Variants in RBFOX1 observed in about 807,000 individuals in gnomAD.
The protein encoded by RBFOX1 is RNA binding protein fox-1 homolog 1.
A neutral mutation model predicts 57.7 loss-of-function variants in RBFOX1; 8 were observed. That is an observed-to-expected ratio of 0.14 (90% CI 0.08 to 0.25). RBFOX1 has a LOEUF of 0.25. Ranked by LOEUF, RBFOX1 falls within the 10% of genes least tolerant of loss-of-function variation. The probability of loss-of-function intolerance (pLI) is 1.00; values close to 1 mark genes in which losing one functional copy is unlikely to be tolerated. For missense variants in RBFOX1, 611 were observed against 548.5 expected (o/e 1.11, Z -1.14); for synonymous variants, 326 against 222.4 (o/e 1.47, Z -4.15).
intron 1 of RBFOX1, among the ~76,000 whole-genome samples, chr16:6,050,156 C>T (rs1283929832): frequency 6.6e-6 from 1 of 152,060 alleles, no homozygotes; most frequent in African/African-American, 2.4e-5. Flanking sequence ...GATGGGGTTT[C>T]ACCATAATGG....
chr16:6,747,476 TTATC>T (rs1163195277), intron 3 of RBFOX1, among the ~76,000 whole-genome samples: 2 of 137,034 alleles, frequency 1.5e-5, no homozygotes, highest in East Asian at 4.0e-4. Flanking sequence ...GTCTGTCTGT[TTATC>T]TATCTGTCTA....
At chr16:6,721,827 C>G (rs998087498) in intron 3 of RBFOX1, 1 of 152,948 alleles carries the variant, frequency 6.5e-6, no homozygotes, top group Non-Finnish European at 1.5e-5. Context: ...TCAGGGATCA[C>G]GCTCACACGC....
intron 3 of RBFOX1, among the ~76,000 whole-genome samples, chr16:6,999,059 G>T (rs968327840): frequency 1.3e-5 from 2 of 151,136 alleles, no homozygotes. Context: ...AGTAGAGACA[G>T]GGTTTCACCA....
chr16:5,889,123 T>C (rs2057978397), intron 4 of RBFOX1, among the ~76,000 whole-genome samples: 1 of 152,202 alleles, frequency 6.6e-6, no homozygotes, highest in African/African-American at 2.4e-5. Context: ...GTGAGGTCCA[T>C]GTGTAGGATG....
chr16:7,284,516 A>G (rs2095610632), intron 4 of RBFOX1, among the ~76,000 whole-genome samples: 1 of 152,094 alleles, frequency 6.6e-6, no homozygotes. Context: ...CTTCTTGTAG[A>G]GATGAGGTCC....
intron 2 of RBFOX1, among the ~76,000 whole-genome samples, chr16:6,433,850 T>C (rs1361850267): frequency 6.6e-5 from 5 of 76,088 alleles, no homozygotes; most frequent in East Asian, 4.1e-4. Context: ...ATTTTTCTTT[T>C]TTTTTTTTTT....
intron 1 of RBFOX1, among the ~76,000 whole-genome samples, chr16:6,057,616 C>T (rs1271219241): frequency 6.6e-6 from 1 of 152,050 alleles, no homozygotes; most frequent in African/African-American, 2.4e-5. Context: ...AGAATGCCGC[C>T]AGGCGTTTAA....
At chr16:5,603,185 T>C (rs954604451), downstream of RBFOX1, among the ~76,000 whole-genome samples, 29 of 152,220 alleles carry the variant, frequency 1.9e-4, no homozygotes, top group African/African-American at 6.3e-4. Flanking sequence ...GCAGAAAGTA[T>C]ATTTTGCCAG....
intron 3 of RBFOX1, among the ~76,000 whole-genome samples, chr16:6,850,223 C>T (rs1392651312): frequency 6.6e-6 from 1 of 152,088 alleles, no homozygotes; most frequent in African/African-American, 2.4e-5. Flanking sequence ...GAAATGATTC[C>T]TCTTTTGGGG....
intron 2 of RBFOX1, among the ~76,000 whole-genome samples, chr16:6,490,120 G>T (rs1013870728): frequency 6.6e-6 from 1 of 152,172 alleles, no homozygotes; most frequent in Non-Finnish European, 1.5e-5. Flanking sequence ...TAGGCCACGG[G>T]AATGACCATG....
At chr16:7,207,346 T>C (rs923651658) in intron 4 of RBFOX1, among the ~76,000 whole-genome samples, 5 of 152,194 alleles carry the variant, frequency 3.3e-5, no homozygotes, top group African/African-American at 9.6e-5. Context: ...ATTTTTCTTA[T>C]TTCTCCACTG....
chr16:5,326,743 G>C (rs1353847202), intron 1 of RBFOX1, among the ~76,000 whole-genome samples: 1 of 152,226 alleles, frequency 6.6e-6, no homozygotes, highest in Non-Finnish European at 1.5e-5. Context: ...CAGCCTTGAT[G>C]ATGATGATGT....
chr16:6,495,275 T>A (rs1016222369), intron 2 of RBFOX1, among the ~76,000 whole-genome samples: 1 of 152,192 alleles, frequency 6.6e-6, no homozygotes, highest in East Asian at 1.9e-4. Context: ...CCCGCCACCA[T>A]GCCTGGCTAA....
chr16:6,579,321 G>A lies in RBFOX1; in HGVS notation c.-63-75282G>A, dbSNP rs144939355. ...TGGGCTCAAGCAGTCCTCCCACCTC[G>A]GTCTCTTGAGTAGCTGGGACTATAT... On this transcript the variant is annotated intron_variant, in intron 2 of 15. Transcript: ENST00000550418. 3.2e-3 allele frequency among the ~76,000 whole-genome samples: 485 copies of A among 151,732 alleles called. 1 individual carries two copies. Among genetic ancestry groups the A allele is most frequent in the Middle Eastern group, 0.024 (7 of 292 alleles).
At chr16:5,848,749 C>G (rs1304918690) in intron 3 of RBFOX1, among the ~76,000 whole-genome samples, 2 of 152,024 alleles carry the variant, frequency 1.3e-5, no homozygotes, top group Non-Finnish European at 2.9e-5. Flanking sequence ...AAGTTCGAGA[C>G]CAGCCTGGCC....
chr16:7,537,250 G>T (rs2081698959), intron 5 of RBFOX1, among the ~76,000 whole-genome samples: 1 of 152,218 alleles, frequency 6.6e-6, no homozygotes, highest in Non-Finnish European at 1.5e-5. Context: ...TGGAACATGG[G>T]TTGGAGTCAA....
intron 4 of RBFOX1, among the ~76,000 whole-genome samples, chr16:7,231,826 C>G (rs188849757): frequency 6.6e-6 from 1 of 152,128 alleles, no homozygotes; most frequent in African/African-American, 2.4e-5. Flanking sequence ...ATGTGATTTC[C>G]TTCACCTGAA....
At chr16:6,724,341 G>C (rs945120807) in intron 3 of RBFOX1, among the ~76,000 whole-genome samples, 1 of 151,640 alleles carries the variant, frequency 6.6e-6, no homozygotes, top group Non-Finnish European at 1.5e-5. Flanking sequence ...TCCCCAGTTG[G>C]TGGGATTACA....
chr16:5,513,018 C>T (rs147308197), intron 2 of RBFOX1, among the ~76,000 whole-genome samples: 23 of 152,306 alleles, frequency 1.5e-4, no homozygotes, highest in African/African-American at 4.8e-4. Flanking sequence ...TAGGCTCAAA[C>T]GATCCTTCCA....
Sources: gnomAD v4.1 joint callset for allele counts (sites outside exome capture counted in the v4.1 genomes callset) on GRCh38, gnomAD v4.1.1 for gene constraint, MANE v1.5 for transcripts, NCBI Gene and HGNC (gene_info 2026-07-23, HGNC 2026-07-21) for gene names.